Variants in CHCHD3 observed in about 807,000 individuals in gnomAD.
CHCHD3 encodes the protein MICOS complex subunit MIC19.
A neutral mutation model predicts 38.2 loss-of-function variants in CHCHD3; 20 were observed. The observed-to-expected ratio is 0.52, with a 90% CI of 0.37 to 0.76. The LOEUF (loss-of-function observed/expected upper bound fraction) is 0.76. Among genes scored for constraint, CHCHD3 ranks in the 30% least tolerant of loss-of-function variants. CHCHD3 has a pLI of 0.00. For synonymous variants in CHCHD3, 82 were observed against 100.0 expected, an observed-to-expected ratio of 0.82 and a Z score of 1.07; for missense variants, 245 against 279.2, an observed-to-expected ratio of 0.88 and a Z score of 0.87.
intron 2 of CHCHD3, among the ~76,000 whole-genome samples, chr7:133,054,168 C>T (rs1191264068): frequency 6.6e-6 from 1 of 152,172 alleles, no homozygotes; most frequent in Non-Finnish European, 1.5e-5. Context: ...GTACTTCTGC[C>T]AATGCTATGC....
chr7:133,021,449 C>T (rs1183278420), intron 3 of CHCHD3, among the ~76,000 whole-genome samples: 1 of 152,150 alleles, frequency 6.6e-6, no homozygotes, highest in Non-Finnish European at 1.5e-5. Flanking sequence ...CAGTTCTCCC[C>T]TTGCTAATGG....
rs1338502253 is a variant in CHCHD3, at chr7:132,985,690, C to G, written c.252-10404G>C. On this transcript the variant is annotated intron_variant, in intron 3 of 7. Transcript: ENST00000262570. Reference sequence around the variant, plus strand: ...TCCGGGAGGGAGGTGGGGGGGGGGTCAGCCCCCCGCCCGGCCAGCCGCCCC... The same window carrying G: ...TCCGGGAGGGAGGTGGGGGGGGGGTGAGCCCCCCGCCCGGCCAGCCGCCCC... 2.3e-3 allele frequency among the ~76,000 whole-genome samples: 154 copies of G among 67,832 alleles called. 28 individuals carry two copies. Among genetic ancestry groups the G allele is most frequent in the African/African-American group, 8.6e-3 (146 of 17,024 alleles). 44.5% of individuals were successfully genotyped at this position (67,832 alleles called of 152,430 possible).
chr7:133,008,491 C>CA (rs1812766930), intron 3 of CHCHD3, among the ~76,000 whole-genome samples: 1 of 151,118 alleles, frequency 6.6e-6, no homozygotes, highest in South Asian at 2.1e-4. Flanking sequence ...TATGTCACAG[C>CA]AAGGCCAAGA....
intron 3 of CHCHD3, among the ~76,000 whole-genome samples, chr7:132,983,981 CCT>C (rs1811992862): frequency 2.7e-5 from 4 of 148,392 alleles, no homozygotes; most frequent in African/African-American, 1.0e-4. Context: ...TCTCCCTCTC[CCT>C]CCTCTCCCTC....
chr7:133,040,832 C>T (rs1813813942), intron 2 of CHCHD3, among the ~76,000 whole-genome samples: 1 of 152,106 alleles, frequency 6.6e-6, no homozygotes, highest in Non-Finnish European at 1.5e-5. Flanking sequence ...CTCTCACTCC[C>T]CTATACTACC....
chr7:132,996,749 T>A (rs781473470), intron 3 of CHCHD3, among the ~76,000 whole-genome samples: 2 of 152,170 alleles, frequency 1.3e-5, no homozygotes, highest in African/African-American at 2.4e-5. Flanking sequence ...GGTGCGATGC[T>A]GAGGGAGTGT....
chr7:133,074,765 T>C (rs1231637128), intron 1 of CHCHD3, among the ~76,000 whole-genome samples: 1 of 152,210 alleles, frequency 6.6e-6, no homozygotes, highest in African/African-American at 2.4e-5. Context: ...AATCAAGTGT[T>C]AGCTATAAGC....
intron 4 of CHCHD3, 99 bp downstream of exon 4, chr7:132,975,070 T>C: frequency 3.3e-6 from 3 of 907,008 alleles, no homozygotes; most frequent in Admixed American, 1.9e-5. Context: ...ATGAATAATA[T>C]TATCAACACT....
chr7:133,071,363 A>AT (rs1243220397), intron 1 of CHCHD3, among the ~76,000 whole-genome samples: 1 of 152,262 alleles, frequency 6.6e-6, no homozygotes, highest in Non-Finnish European at 1.5e-5. Flanking sequence ...GAGAGAGGGC[A>AT]TAGTGAAAGA....
At chr7:132,811,187 G>A (rs552123503) in intron 6 of CHCHD3, among the ~76,000 whole-genome samples, 1 of 152,146 alleles carries the variant, frequency 6.6e-6, no homozygotes, top group Non-Finnish European at 1.5e-5. Context: ...CTCATCCAAA[G>A]AAAGGCAATC....
intron 5 of CHCHD3, among the ~76,000 whole-genome samples, chr7:132,877,002 C>A (rs1270239277): frequency 2.0e-5 from 3 of 152,118 alleles, no homozygotes; most frequent in African/African-American, 7.2e-5. Context: ...TCCATGTTCT[C>A]ATCTTACCTT....
At chr7:132,926,698 T>TA (rs1810386980) in intron 4 of CHCHD3, among the ~76,000 whole-genome samples, 1 of 152,180 alleles carries the variant, frequency 6.6e-6, no homozygotes, top group African/African-American at 2.4e-5. Flanking sequence ...TAAAATGGCA[T>TA]CATATTTGTA....
At chr7:132,990,530 A>T (rs1205252467) in intron 3 of CHCHD3, among the ~76,000 whole-genome samples, 1 of 152,202 alleles carries the variant, frequency 6.6e-6, no homozygotes, top group Non-Finnish European at 1.5e-5. Flanking sequence ...GACAGAAACT[A>T]GGGCAATAAT....
chr7:132,959,735 A>AAAAAAG (rs1210490706), intron 4 of CHCHD3, among the ~76,000 whole-genome samples: 3 of 151,746 alleles, frequency 2.0e-5, no homozygotes, highest in South Asian at 2.1e-4. Flanking sequence ...AAAAAAAAAA[A>AAAAAAG]AAAAAGAAAA....
intron 7 of CHCHD3, among the ~76,000 whole-genome samples, chr7:132,793,817 C>T (rs1806530174): frequency 6.6e-6 from 1 of 152,194 alleles, no homozygotes; most frequent in African/African-American, 2.4e-5. Flanking sequence ...GCATGTCCAG[C>T]TTGTTCTCTG....
At chr7:132,842,202 A>C (rs1395995417) in intron 5 of CHCHD3, among the ~76,000 whole-genome samples, 1 of 152,082 alleles carries the variant, frequency 6.6e-6, no homozygotes, top group South Asian at 2.1e-4. Context: ...GTTTGGCTAG[A>C]ATATAAAAGT....
Position 132,844,446 on chromosome 7 carries a change from A to G in CHCHD3, c.454-5977T>C, listed in dbSNP as rs1023370284. On this transcript the variant is annotated intron_variant, in intron 5 of 7. Coordinates refer to ENST00000262570, the MANE Select transcript of CHCHD3 (RefSeq NM_017812.4). ...TCCTTTACAGTCTAAAATAAAAACT[A>G]TCTTCATTCATATTCACTCTGCATA... Among the ~76,000 whole-genome samples the G allele has an allele frequency of 3.3e-5, 5 of 152,350 alleles. No individual in the cohort carries two copies. In the East Asian group the frequency reaches 7.7e-4, roughly 24 times the overall value.
intron 2 of CHCHD3, among the ~76,000 whole-genome samples, chr7:133,033,020 T>G (rs906037848): frequency 3.3e-5 from 5 of 152,136 alleles, no homozygotes; most frequent in African/African-American, 1.2e-4. Context: ...GTAATCAATA[T>G]AATGCCCTAA....
chr7:132,807,175 G>A (rs1056470308), intron 6 of CHCHD3, among the ~76,000 whole-genome samples: 3 of 152,172 alleles, frequency 2.0e-5, no homozygotes, highest in Non-Finnish European at 4.4e-5. Context: ...CAGCAGAGAC[G>A]GAGTATGAAC....
Sources: allele counts gnomAD v4.1 joint callset (sites outside exome capture counted in the v4.1 genomes callset), GRCh38; gene constraint gnomAD v4.1.1; transcripts MANE v1.5; gene names NCBI Gene and HGNC (gene_info 2026-07-23, HGNC 2026-07-21).